GABRB3: variants seen among roughly 807,000 people sequenced by gnomAD.
GABRB3 encodes gamma-aminobutyric acid type A receptor subunit beta3.
GABRB3 carries 14 observed loss-of-function variants against 52.1 expected under a neutral mutation model. The ratio of observed to expected loss-of-function variants is 0.27; its 90% confidence interval spans 0.18 to 0.42. The LOEUF (loss-of-function observed/expected upper bound fraction) is 0.42. Ranked by LOEUF, GABRB3 falls within the 10% of genes least tolerant of loss-of-function variation. GABRB3 has a pLI of 1.00. For synonymous variants in GABRB3, 260 were observed against 232.3 expected (o/e 1.12, Z -1.08); for missense variants, 307 against 609.1 (o/e 0.50, Z 5.22).
At chr15:26,755,227 G>A (rs986567898) in intron 3 of GABRB3, among the ~76,000 whole-genome samples, 4 of 151,908 alleles carry the variant, frequency 2.6e-5, no homozygotes, top group East Asian at 1.9e-4. Flanking sequence ...GGATGGTCTC[G>A]ATCTCCTGAC....
At chr15:26,599,411 G>C (rs1299553737) in intron 4 of GABRB3, among the ~76,000 whole-genome samples, 5 of 152,204 alleles carry the variant, frequency 3.3e-5, no homozygotes, top group Non-Finnish European at 7.3e-5. Context: ...CTCAGGGCCT[G>C]GCCTGCAGCC....
rs377016163 is a variant in GABRB3, at chr15:26,688,274, G to A, written c.241-66740C>T. Among the ~76,000 whole-genome samples, 392 of 152,284 alleles carry A rather than the reference G, an allele frequency of 2.6e-3. 2 individuals are homozygous for A. The highest frequency in any genetic ancestry group is 8.9e-3 in the African/African-American group (372 of 41,566). On this transcript the variant is annotated intron_variant, in intron 3 of 8. Transcript: ENST00000311550. ...ATCAGCCCCGTGATCAATGGGACAG[G>A]ATGAGCAAATGCCAGCCGTGTGCCC...
At chr15:26,643,412 A>T (rs1264667327) in intron 3 of GABRB3, among the ~76,000 whole-genome samples, 9 of 152,192 alleles carry the variant, frequency 5.9e-5, no homozygotes, top group African/African-American at 2.2e-4. Context: ...TAAACCCTCA[A>T]GATCAGAGTC....
intron 3 of GABRB3, among the ~76,000 whole-genome samples, chr15:26,709,224 G>T (rs1318034760): frequency 6.6e-6 from 1 of 152,206 alleles, no homozygotes. Context: ...AACGTTGGAG[G>T]TGGGAGCTGT....
At chr15:26,584,272 C>G (rs1425638040) in intron 4 of GABRB3, among the ~76,000 whole-genome samples, 2 of 152,128 alleles carry the variant, frequency 1.3e-5, no homozygotes, top group African/African-American at 4.8e-5. Context: ...ATTTTTGTTT[C>G]TCTTCTTGTC....
At chr15:26,553,014 A>AT (rs1889538051) in intron 8 of GABRB3, among the ~76,000 whole-genome samples, 1 of 152,246 alleles carries the variant, frequency 6.6e-6, no homozygotes, top group African/African-American at 2.4e-5. Context: ...CATTTATCAA[A>AT]TAAGCTCAAT....
intron 3 of GABRB3, among the ~76,000 whole-genome samples, chr15:26,658,964 T>C (rs1480917380): frequency 6.6e-6 from 1 of 152,254 alleles, no homozygotes; most frequent in Non-Finnish European, 1.5e-5. Flanking sequence ...AAATTGTTCC[T>C]ACAAGCAATT....
intron 3 of GABRB3, among the ~76,000 whole-genome samples, chr15:26,648,744 C>T (rs142520264): frequency 0.016 from 2,506 of 152,246 alleles, 72 homozygotes; most frequent in African/African-American, 0.057. Context: ...CCCAAGGGTG[C>T]GTCAGCAGGG....
intron 8 of GABRB3, among the ~76,000 whole-genome samples, chr15:26,551,665 A>T (rs1889468246): frequency 6.6e-6 from 1 of 152,206 alleles, no homozygotes; most frequent in East Asian, 1.9e-4. Context: ...GTGCTTCTAA[A>T]CCAATGCTAC....
chr15:26,698,328 G>C (rs1333850868), intron 3 of GABRB3, among the ~76,000 whole-genome samples: 1 of 152,158 alleles, frequency 6.6e-6, no homozygotes, highest in Non-Finnish European at 1.5e-5. Context: ...ATTGCCAAAA[G>C]ATGTATTTAC....
intron 3 of GABRB3, among the ~76,000 whole-genome samples, chr15:26,672,598 T>C (rs935405955): frequency 3.3e-5 from 5 of 152,198 alleles, no homozygotes; most frequent in Admixed American, 1.3e-4. Context: ...CTGTCCGATG[T>C]TGCTTTAATT....
intron 3 of GABRB3, among the ~76,000 whole-genome samples, chr15:26,673,146 C>T (rs1001116664): frequency 8.5e-5 from 13 of 152,144 alleles, no homozygotes; most frequent in South Asian, 2.1e-4. Context: ...TTTCTTAAAA[C>T]TCAAGTAACT....
intron 3 of GABRB3, among the ~76,000 whole-genome samples, chr15:26,689,045 A>C (rs191512482): frequency 1.5e-4 from 23 of 152,330 alleles, no homozygotes; most frequent in Admixed American, 7.8e-4. Context: ...TTCCTGCAGA[A>C]TAGAGATGGG....
intron 3 of GABRB3, among the ~76,000 whole-genome samples, chr15:26,645,557 A>ACACAGG (rs1448180428): frequency 6.6e-6 from 1 of 152,228 alleles, no homozygotes; most frequent in Non-Finnish European, 1.5e-5. Flanking sequence ...AGCCATTGGC[A>ACACAGG]CACAGGCATT....
At chr15:26,756,586 A>T (rs4906900) in intron 3 of GABRB3, among the ~76,000 whole-genome samples, 29,685 of 151,950 alleles carry the variant, frequency 0.2, 3,210 homozygotes, top group East Asian at 0.32. Flanking sequence ...TCAAAAAAAA[A>T]TTTTTAAAGT....
intron 3 of GABRB3, among the ~76,000 whole-genome samples, chr15:26,697,000 T>A (rs867073186): frequency 6.6e-6 from 1 of 152,116 alleles, no homozygotes. Context: ...TTAAAAGAAA[T>A]GATACATCAA....
chr15:26,695,084 T>C (rs1162658007), intron 3 of GABRB3, among the ~76,000 whole-genome samples: 1 of 152,116 alleles, frequency 6.6e-6, no homozygotes, highest in African/African-American at 2.4e-5. Context: ...AACAAACGTA[T>C]ATGTAATGGT....
rs1439820589 is a variant in GABRB3, at chr15:26,578,684, C to G, written c.682+1635G>C. On this transcript the variant is annotated intron_variant, in intron 6 of 8. Transcript: ENST00000311550. Reference sequence around the variant, plus strand: ...AGTAAGAAATCCTCATAGCAGCACGCTCATGGCCATTTCTGCAACTTTCTA... The same window carrying G: ...AGTAAGAAATCCTCATAGCAGCACGGTCATGGCCATTTCTGCAACTTTCTA... Among the ~76,000 whole-genome samples the G allele has an allele frequency of 2.6e-5, 4 of 152,220 alleles. No homozygotes were observed. In the East Asian group the frequency reaches 7.7e-4, roughly 29 times the overall value.
chr15:26,606,580 A>C (rs567517847), intron 4 of GABRB3, among the ~76,000 whole-genome samples: 5 of 152,232 alleles, frequency 3.3e-5, no homozygotes, highest in African/African-American at 7.2e-5. Flanking sequence ...CCTTTTCTCT[A>C]AGATATTGAG....
Sources: allele counts gnomAD v4.1 joint callset (sites outside exome capture counted in the v4.1 genomes callset), GRCh38; gene constraint gnomAD v4.1.1; transcripts MANE v1.5; gene names NCBI Gene and HGNC (gene_info 2026-07-23, HGNC 2026-07-21).